Variants in MAN2B2 observed in about 807,000 individuals in gnomAD.
MAN2B2 encodes the protein mannosidase alpha class 2B member 2.
A neutral mutation model predicts 117.1 loss-of-function variants in MAN2B2; 106 were observed. The ratio of observed to expected loss-of-function variants is 0.90; its 90% CI spans 0.77 to 1.06. The LOEUF (loss-of-function observed/expected upper bound fraction) is 1.06, where lower values mean the gene tolerates loss of function less well. Ranked by LOEUF, MAN2B2 falls within the 50% of genes least tolerant of loss-of-function variation. The probability of loss-of-function intolerance (pLI) is 0.00; values close to 1 mark genes in which losing one functional copy is unlikely to be tolerated. For synonymous variants in MAN2B2, 544 were observed against 595.1 expected (o/e 0.91, Z 1.25); for missense variants, 1,326 against 1,381.4 (o/e 0.96, Z 0.64).
chr4:6,578,798 T>G (rs971166423), intron 3 of MAN2B2, among the ~76,000 whole-genome samples: 3 of 152,000 alleles, frequency 2.0e-5, no homozygotes, highest in Non-Finnish European at 4.4e-5. Flanking sequence ...ATAAAATGAG[T>G]TTGATGGTAA....
intron 13 of MAN2B2, among the ~76,000 whole-genome samples, chr4:6,610,440 A>C (rs1727727334): frequency 6.6e-6 from 1 of 152,184 alleles, no homozygotes; most frequent in Non-Finnish European, 1.5e-5. Flanking sequence ...TACAGGTGTG[A>C]GCCACCGCGC....
In MAN2B2 at chr4:6,622,423, T is replaced by C. The variant is rs544410578; in HGVS notation, c.*1138T>C. On this transcript the variant is annotated 3_prime_UTR_variant, in exon 19 of 19. Coordinates refer to ENST00000285599, the MANE Select transcript of MAN2B2 (RefSeq NM_015274.3). The stretch of plus-strand genomic sequence containing the variant: ...GATGAATTTTATGGTCTGTGAATTA[T>C]ATCTCAATTTTAAAACTTTTTTTTT... 6.8e-6 allele frequency: 1 copy of C among 147,708 alleles called. No homozygotes were observed. The highest frequency in any genetic ancestry group is 7.3e-5 in the Admixed American group (1 of 13,702). 9.1% of individuals were successfully genotyped at this position (147,708 alleles called of 1,614,324 possible).
intron 16 of MAN2B2, among the ~76,000 whole-genome samples, chr4:6,616,808 C>T (rs924508563): frequency 2.0e-5 from 3 of 152,100 alleles, no homozygotes; most frequent in African/African-American, 4.8e-5. Flanking sequence ...CTCCCTCTGC[C>T]GCGCACCAGC....
intron 11 of MAN2B2, among the ~76,000 whole-genome samples, chr4:6,606,311 T>C (rs550265386): frequency 8.6e-4 from 131 of 152,204 alleles, no homozygotes; most frequent in South Asian, 1.7e-3. Context: ...TCCTCATCTT[T>C]CCCCAGTGGC....
chr4:6,593,951 G>T lies in MAN2B2; in HGVS notation c.859-583G>T, dbSNP rs183935470. Among the ~76,000 whole-genome samples the T allele has an allele frequency of 3.6e-4, 55 of 152,304 alleles. No individual in the cohort carries two copies. The East Asian group carries it at 9.6e-3, about 27-fold the overall frequency. On this transcript the variant is annotated intron_variant, in intron 6 of 18. Coordinates refer to ENST00000285599, the MANE Select transcript of MAN2B2 (RefSeq NM_015274.3). ...AGTTCCTTAGGGTGGCTAGGAAGGG[G>T]TGGAATTTGTGTTCAGACCCAGTCA...
intron 6 of MAN2B2, 139 bp from the exon 7 acceptor site, chr4:6,594,395 C>T: frequency 1.4e-6 from 1 of 721,418 alleles, no homozygotes; most frequent in Non-Finnish European, 2.4e-6. Context: ...CAAGCCACTG[C>T]TATGGGAGCT....
intron 10 of MAN2B2, among the ~76,000 whole-genome samples, chr4:6,603,503 G>A (rs537534668): frequency 3.9e-5 from 6 of 152,270 alleles, no homozygotes; most frequent in South Asian, 2.1e-4. Flanking sequence ...AGGGAGAGGC[G>A]AAGGGAGGGT....
At chr4:6,596,975 C>A in intron 7 of MAN2B2, 138 bp from the exon 8 acceptor site, 1 of 801,322 alleles carries the variant, frequency 1.2e-6, no homozygotes, top group Non-Finnish European at 2.0e-6. Context: ...GGGCTCGCTG[C>A]CTGCCCGGCC....
At chr4:6,617,696 T>A in intron 17 of MAN2B2, 1 of 934,898 alleles carries the variant, frequency 1.1e-6, no homozygotes, top group South Asian at 1.7e-5. Flanking sequence ...TTTGTGTATA[T>A]GTGAGACAGG....
rs569059072 is a variant in MAN2B2, at chr4:6,614,436, G to A, written c.2701+81G>A. 1.8e-4 allele frequency: 280 copies of A among 1,535,578 alleles called. 5 individuals carry two copies. In the South Asian group the frequency reaches 3.1e-3, roughly 17 times the overall value. On this transcript the variant is annotated intron_variant, in intron 16 of 18. Transcript: ENST00000285599. ...GCCACCGGGCCCACCACCAGACAGG[G>A]GCTCACCTTAGAGCTATCATGGCTC...
At chr4:6,612,621 A>T (rs920534544) in intron 15 of MAN2B2, among the ~76,000 whole-genome samples, 1 of 152,232 alleles carries the variant, frequency 6.6e-6, no homozygotes, top group Non-Finnish European at 1.5e-5. Context: ...CTTGCTTCAG[A>T]TTCCCAGAAG....
Position 6,598,184 on chromosome 4 carries a change from G to C in MAN2B2, c.1249-14G>C. ...CCTGATCCTGTTCTTCCTCCCCTCT[G>C]GGGGTTGCTGCAGGTCCAGCACCAT... On this transcript the variant is annotated splice_polypyrimidine_tract_variant and intron_variant, in intron 8 of 18. Coordinates refer to ENST00000285599, the MANE Select transcript of MAN2B2 (RefSeq NM_015274.3). The C allele has an allele frequency of 6.2e-7, 1 of 1,611,342 alleles. No homozygotes were observed. The highest frequency in any genetic ancestry group is 8.5e-7 in the Non-Finnish European group (1 of 1,178,268).
intron 3 of MAN2B2, among the ~76,000 whole-genome samples, chr4:6,585,343 C>G (rs1726590325): frequency 6.6e-6 from 1 of 152,192 alleles, no homozygotes; most frequent in African/African-American, 2.4e-5. Context: ...TATGAGAGTT[C>G]TCTGAGGCAC....
In MAN2B2 at chr4:6,610,331, AT is replaced by A. The variant is rs1380441508; in HGVS notation, c.2259+286del. ...GCCACCATGCCCAGCTAATTTTTATATTTTTAGTAGAGATGGGGTTTCACAA... is the reference window on the plus strand; with the variant it reads ...GCCACCATGCCCAGCTAATTTTTATATTTTAGTAGAGATGGGGTTTCACAA... On this transcript the variant is annotated intron_variant, in intron 13 of 18. Transcript: ENST00000285599. Among the ~76,000 whole-genome samples, 3 of 151,970 alleles carry A rather than the reference AT, an allele frequency of 2.0e-5. No homozygotes were observed. In the East Asian group the frequency reaches 5.8e-4, roughly 29 times the overall value.
chr4:6,584,245 C>T (rs567081919), intron 3 of MAN2B2, among the ~76,000 whole-genome samples: 1 of 152,202 alleles, frequency 6.6e-6, no homozygotes, highest in African/African-American at 2.4e-5. Flanking sequence ...AGAACATTTA[C>T]TTAACAAGAT....
At chr4:6,587,421 T>C (rs7698325) in intron 4 of MAN2B2, among the ~76,000 whole-genome samples, 56,805 of 151,960 alleles carry the variant, frequency 0.37, 11,046 homozygotes, top group East Asian at 0.61. Context: ...GACCCCTATC[T>C]CCATCAGCTG....
chr4:6,600,281 G>A (rs975987778), intron 9 of MAN2B2, among the ~76,000 whole-genome samples: 1 of 152,212 alleles, frequency 6.6e-6, no homozygotes, highest in African/African-American at 2.4e-5. Context: ...GGTCACCTTG[G>A]GCAAGTGGCT....
chr4:6,584,114 T>C (rs964575413), intron 3 of MAN2B2, among the ~76,000 whole-genome samples: 6 of 152,226 alleles, frequency 3.9e-5, no homozygotes, highest in African/African-American at 1.4e-4. Flanking sequence ...TTCTCACTTC[T>C]AGAGAGGCAA....
chr4:6,609,220 C>T lies in MAN2B2; in HGVS notation c.1928C>T (p.Ala643Val), dbSNP rs769015542. ...DNYLFTPGKA[A>V]VPAWEAVEME... is the part of the protein sequence containing the mutation. ...TACCTGTTCACACCGGGCAAGGCCG[C>T]GGTGCCTGCGTGGGAAGCTGTGGAA... Residue 643 changes from alanine (A) to valine (V), a missense_variant, in exon 12 of 19, where the codon GCG becomes GTG. Ala to Val is a moderately conservative substitution (Grantham distance 64). Coordinates refer to ENST00000285599, the MANE Select transcript of MAN2B2 (RefSeq NM_015274.3). The T allele has an allele frequency of 3.3e-5, 54 of 1,614,116 alleles. No individual in the cohort carries two copies. The highest frequency in any genetic ancestry group is 4.2e-5 in the Non-Finnish European group (50 of 1,180,052).
Sources: allele counts gnomAD v4.1 joint callset (sites outside exome capture counted in the v4.1 genomes callset), GRCh38; gene constraint gnomAD v4.1.1; transcripts MANE v1.5; gene names NCBI Gene and HGNC (gene_info 2026-07-23, HGNC 2026-07-21).